The following DIAPH2 variants were observed in gnomAD, a reference collection of about 807,000 sequenced individuals.
The protein encoded by DIAPH2 is protein diaphanous homolog 2.
DIAPH2 carries 35 observed loss-of-function variants against 92.7 expected under a neutral mutation model. The observed-to-expected ratio is 0.38, with a 90% CI of 0.29 to 0.50. DIAPH2 has a LOEUF of 0.50. DIAPH2 is among the 20% of genes least tolerant of loss of function. The probability of loss-of-function intolerance (pLI) is 0.94; values close to 1 mark genes in which losing one functional copy is unlikely to be tolerated. For missense variants in DIAPH2, 701 were observed against 819.5 expected (o/e 0.86, Z 1.77); for synonymous variants, 301 against 280.4 (o/e 1.07, Z -0.73).
chrX:97,210,254 T>C (rs1373787105), intron 22 of DIAPH2, among the ~76,000 whole-genome samples: 1 of 112,263 alleles, frequency 8.9e-6, no homozygotes, highest in Admixed American at 9.5e-5. Context: ...GACTTTGATA[T>C]ATTTCTTAAA....
chrX:96,971,815 T>C (rs1413259672), intron 17 of DIAPH2, among the ~76,000 whole-genome samples: 1 of 111,682 alleles, frequency 9.0e-6, no homozygotes, highest in African/African-American at 3.3e-5. Context: ...ATATACAGGA[T>C]CAATTATGCA....
chrX:97,480,744 C>T (rs1217083319), intron 26 of DIAPH2, among the ~76,000 whole-genome samples: 12 of 110,924 alleles, frequency 1.1e-4, no homozygotes. Context: ...ATTACCGATC[C>T]CTTGAGAGCC....
chrX:97,381,487 AT>A (rs1043678241), intron 24 of DIAPH2, among the ~76,000 whole-genome samples: 11 of 111,518 alleles, frequency 9.9e-5, no homozygotes, highest in Non-Finnish European at 1.9e-4. Context: ...ATATTACATG[AT>A]TTTTTTTCTA....
At chrX:96,818,647 C>A (rs1190777597) in intron 4 of DIAPH2, among the ~76,000 whole-genome samples, 1 of 112,389 alleles carries the variant, frequency 8.9e-6, no homozygotes, top group African/African-American at 3.2e-5. Flanking sequence ...TTTTATTGGA[C>A]ATATCCATAA....
At chrX:96,977,245 C>G (rs938741416) in intron 17 of DIAPH2, among the ~76,000 whole-genome samples, 3 of 111,806 alleles carry the variant, frequency 2.7e-5, no homozygotes, top group African/African-American at 9.8e-5. Context: ...AACTAGGAAG[C>G]TGTACGTTAT....
intron 26 of DIAPH2, among the ~76,000 whole-genome samples, chrX:97,505,913 A>T (rs180740476): frequency 1.8e-5 from 2 of 110,649 alleles, no homozygotes; most frequent in Non-Finnish European, 3.8e-5. Context: ...GTGGCTCTGT[A>T]TATTTCCAAT....
At chrX:97,204,303 G>A (rs2067777835) in intron 22 of DIAPH2, among the ~76,000 whole-genome samples, 1 of 111,726 alleles carries the variant, frequency 9.0e-6, no homozygotes, top group African/African-American at 3.3e-5. Context: ...ATTCGACATA[G>A]TATTGGAAGT....
At chrX:97,060,477 A>G (rs187965267) in intron 17 of DIAPH2, among the ~76,000 whole-genome samples, 2 of 110,160 alleles carry the variant, frequency 1.8e-5, no homozygotes, top group African/African-American at 6.6e-5. Context: ...TTTATTTTGT[A>G]TGGTAATAGC....
chrX:97,134,030 A>G (rs1237063419), intron 21 of DIAPH2, among the ~76,000 whole-genome samples: 1 of 112,464 alleles, frequency 8.9e-6, no homozygotes, highest in Non-Finnish European at 1.9e-5. Context: ...AGGCATGAAT[A>G]ATCTGCTAGG....
At chrX:96,688,549 C>T (rs1436756307) in intron 1 of DIAPH2, among the ~76,000 whole-genome samples, 1 of 111,544 alleles carries the variant, frequency 9.0e-6, no homozygotes. Flanking sequence ...ATTGGCCAGG[C>T]TGGTCTTGAA....
At chrX:96,775,345 A>T (rs2064368882) in intron 4 of DIAPH2, among the ~76,000 whole-genome samples, 1 of 47,245 alleles carries the variant, frequency 2.1e-5, no homozygotes, top group African/African-American at 5.1e-5. Flanking sequence ...ATTTTACTCA[A>T]CGTGTGCTTG....
intron 3 of DIAPH2, among the ~76,000 whole-genome samples, chrX:96,742,670 CTT>C (rs758196935): frequency 3.0e-5 from 3 of 100,892 alleles, no homozygotes; most frequent in Admixed American, 1.1e-4. Flanking sequence ...GTTTTTCTTT[CTT>C]TTTTTTTTTT....
At chrX:96,779,807 T>G (rs2064403467) in intron 4 of DIAPH2, among the ~76,000 whole-genome samples, 1 of 112,521 alleles carries the variant, frequency 8.9e-6, no homozygotes, top group Non-Finnish European at 1.9e-5. Context: ...TCCAGAGCAA[T>G]GCTTTTCAGC....
In DIAPH2 at chrX:97,106,299, T is replaced by C. The variant is rs140775460; in HGVS notation, c.2349+6504T>C. Among the ~76,000 whole-genome samples, 216 of 111,794 alleles carry C rather than the reference T, an allele frequency of 1.9e-3. 1 individual carries two copies. Among genetic ancestry groups the C allele is most frequent in the African/African-American group, 6.8e-3 (211 of 30,871 alleles). ...TAGTGCTAGTTCTTACTTCTAGATA[T>C]ATATTCATTTTATCTGAGGAAAAAG... On this transcript the variant is annotated intron_variant, in intron 20 of 26. Coordinates refer to ENST00000324765, the MANE Select transcript of DIAPH2 (RefSeq NM_006729.5).
chrX:96,802,031 C>G (rs768986597), intron 4 of DIAPH2, among the ~76,000 whole-genome samples: 1 of 111,955 alleles, frequency 8.9e-6, no homozygotes, highest in Non-Finnish European at 1.9e-5. Flanking sequence ...TCCTACTGTC[C>G]TTGTCCTCCC....
intron 26 of DIAPH2, among the ~76,000 whole-genome samples, chrX:97,509,498 T>A (rs1272794483): frequency 3.0e-5 from 2 of 66,781 alleles, no homozygotes; most frequent in African/African-American, 5.4e-5. Context: ...TTTTTTTTTT[T>A]ACTATTAGGA....
chrX:97,198,798 G>A (rs1293218951), intron 22 of DIAPH2, among the ~76,000 whole-genome samples: 2 of 111,191 alleles, frequency 1.8e-5, no homozygotes, highest in Non-Finnish European at 1.9e-5. Flanking sequence ...TTCTGTTATC[G>A]TAAAGTCACA....
chrX:97,365,757 G>A (rs2069374959), intron 24 of DIAPH2, among the ~76,000 whole-genome samples: 1 of 106,306 alleles, frequency 9.4e-6, no homozygotes, highest in Admixed American at 1.0e-4. Context: ...CCAGGCTGGG[G>A]TACAGTGGTA....
At chrX:97,559,546 A>G (rs2071279893) in intron 26 of DIAPH2, among the ~76,000 whole-genome samples, 1 of 110,941 alleles carries the variant, frequency 9.0e-6, no homozygotes, top group Non-Finnish European at 1.9e-5. Context: ...AGTCACCACA[A>G]CTCACAGTCT....
Sources: gnomAD v4.1 joint callset for allele counts (sites outside exome capture counted in the v4.1 genomes callset) on GRCh38, gnomAD v4.1.1 for gene constraint, MANE v1.5 for transcripts, NCBI Gene and HGNC (gene_info 2026-07-23, HGNC 2026-07-21) for gene names.